The following DNAH8 variants were observed in gnomAD, a reference collection of about 807,000 sequenced individuals.
DNAH8 encodes axonemal beta dynein heavy chain 8.
A neutral mutation model predicts 562.1 loss-of-function variants in DNAH8; 382 were observed. That is an observed-to-expected ratio of 0.68 (90% CI 0.63 to 0.74). The LOEUF (loss-of-function observed/expected upper bound fraction) is 0.74, where lower values mean the gene tolerates loss of function less well. Ranked by LOEUF, DNAH8 falls within the 30% of genes least tolerant of loss-of-function variation. DNAH8 has a pLI of 0.00. For synonymous variants in DNAH8, 1,881 were observed against 1,919.4 expected, an observed-to-expected ratio of 0.98 and a Z score of 0.52; for missense variants, 5,203 against 5,620.4, an observed-to-expected ratio of 0.93 and a Z score of 2.37.
intron 91 of DNAH8, among the ~76,000 whole-genome samples, chr6:39,013,888 G>C (rs1766396295): frequency 6.9e-6 from 1 of 145,658 alleles, no homozygotes; most frequent in Non-Finnish European, 1.5e-5. Flanking sequence ...GAGAGAGAGA[G>C]AGAAGGCACA....
intron 91 of DNAH8, among the ~76,000 whole-genome samples, chr6:39,017,819 GC>G (rs1255572923): frequency 6.6e-6 from 1 of 152,038 alleles, no homozygotes; most frequent in African/African-American, 2.4e-5. Flanking sequence ...ACAACTTTTT[GC>G]CTGTGTGTGT....
chr6:38,764,702 T>A (rs779195286), intron 11 of DNAH8: 21 of 152,152 alleles, frequency 1.4e-4, no homozygotes, highest in Non-Finnish European at 1.6e-4. Context: ...AAATGACTTA[T>A]GGACAGTCTT....
chr6:38,896,783 G>GTTTA (rs1251625757), intron 60 of DNAH8, among the ~76,000 whole-genome samples: 3 of 151,906 alleles, frequency 2.0e-5, no homozygotes, highest in East Asian at 1.9e-4. Flanking sequence ...ATATTTATTT[G>GTTTA]TTTATTTATT....
At chr6:38,761,371 T>A (rs1239427531) in intron 10 of DNAH8, among the ~76,000 whole-genome samples, 1 of 150,052 alleles carries the variant, frequency 6.7e-6, no homozygotes, top group Non-Finnish European at 1.5e-5. Flanking sequence ...TTGTACCAAT[T>A]GATGGTCAGT....
intron 79 of DNAH8, among the ~76,000 whole-genome samples, chr6:38,942,981 AAAAT>A (rs1385226074): frequency 6.6e-6 from 1 of 152,206 alleles, no homozygotes; most frequent in African/African-American, 2.4e-5. Flanking sequence ...TTGTTACAGA[AAAAT>A]AAAGAAGGCT....
intron 3 of DNAH8, among the ~76,000 whole-genome samples, chr6:38,728,552 G>C (rs1229239870): frequency 1.3e-5 from 2 of 152,124 alleles, no homozygotes; most frequent in South Asian, 2.1e-4. Context: ...AAAGCTAAAG[G>C]GTCAGCAAGA....
intron 8 of DNAH8, among the ~76,000 whole-genome samples, chr6:38,749,045 T>A (rs1402981805): frequency 3.9e-5 from 6 of 152,044 alleles, no homozygotes; most frequent in African/African-American, 1.2e-4. Flanking sequence ...CATATGTATT[T>A]AGAGTGATGT....
At chr6:38,738,836 G>A (rs1346737668) in intron 7 of DNAH8, among the ~76,000 whole-genome samples, 2 of 152,110 alleles carry the variant, frequency 1.3e-5, no homozygotes, top group African/African-American at 4.8e-5. Context: ...ATTGAAATGG[G>A]TAATTGCCCA....
intron 53 of DNAH8, among the ~76,000 whole-genome samples, chr6:38,878,551 C>G (rs1778202951): frequency 6.6e-6 from 1 of 151,710 alleles, no homozygotes. Flanking sequence ...CTGAAAAGAT[C>G]AATAAAAAGA....
chr6:38,972,544 G>GTT (rs1461608528), intron 83 of DNAH8, among the ~76,000 whole-genome samples: 1 of 151,912 alleles, frequency 6.6e-6, no homozygotes, highest in East Asian at 1.9e-4. Context: ...TGATTTGACA[G>GTT]TTTAACTTTG....
intron 23 of DNAH8, among the ~76,000 whole-genome samples, chr6:38,806,470 C>T (rs1771284951): frequency 6.6e-6 from 1 of 152,156 alleles, no homozygotes; most frequent in South Asian, 2.1e-4. Flanking sequence ...GAGCACTCCC[C>T]TCTCAGAAGT....
intron 91 of DNAH8, among the ~76,000 whole-genome samples, chr6:39,017,365 G>T (rs1766635400): frequency 6.6e-6 from 1 of 152,112 alleles, no homozygotes; most frequent in Non-Finnish European, 1.5e-5. Context: ...GTGGGGATGT[G>T]TTTAAACCCA....
At chr6:38,808,791 G>A (rs751589284) in intron 24 of DNAH8, among the ~76,000 whole-genome samples, 1 of 152,154 alleles carries the variant, frequency 6.6e-6, no homozygotes, top group African/African-American at 2.4e-5. Context: ...TCCTTTGCAG[G>A]GAAATGGATG....
intron 21 of DNAH8, among the ~76,000 whole-genome samples, chr6:38,796,781 G>A (rs981858597): frequency 5.9e-5 from 9 of 152,038 alleles, no homozygotes; most frequent in African/African-American, 1.7e-4. Flanking sequence ...TTGCTCACTC[G>A]GGGAGCTCGG....
At chr6:38,797,745 C>T (rs868488526) in intron 21 of DNAH8, among the ~76,000 whole-genome samples, 2 of 152,146 alleles carry the variant, frequency 1.3e-5, no homozygotes, top group South Asian at 2.1e-4. Flanking sequence ...AACATCTCCC[C>T]GCTGCACATA....
At chr6:38,869,760 C>T (rs952822053) in intron 48 of DNAH8, among the ~76,000 whole-genome samples, 3 of 152,094 alleles carry the variant, frequency 2.0e-5, no homozygotes, top group Non-Finnish European at 1.5e-5. Flanking sequence ...AAGGTTAATG[C>T]AAATGCCACT....
At chr6:38,866,285 A>C (rs1161738826) in intron 45 of DNAH8, among the ~76,000 whole-genome samples, 5 of 152,026 alleles carry the variant, frequency 3.3e-5, no homozygotes, top group African/African-American at 7.2e-5. Context: ...CTCTTGTATT[A>C]TTTCACGTTC....
intron 53 of DNAH8, among the ~76,000 whole-genome samples, chr6:38,880,667 A>T (rs4590258): frequency 0.43 from 65,623 of 152,070 alleles, 15,094 homozygotes; most frequent in East Asian, 0.84. Context: ...AAATAAGATA[A>T]GTGAAAGGTG....
chr6:38,848,603 C>T (rs1775488046), intron 36 of DNAH8, 45 bp from the exon 37 acceptor site: 1 of 1,510,400 alleles, frequency 6.6e-7, no homozygotes. Flanking sequence ...ATACTATTTT[C>T]TGAATCTTCT....
Sources: allele counts gnomAD v4.1 joint callset (sites outside exome capture counted in the v4.1 genomes callset), GRCh38; gene constraint gnomAD v4.1.1; transcripts MANE v1.5; gene names NCBI Gene and HGNC (gene_info 2026-07-23, HGNC 2026-07-21).